The following CNTN6 variants were observed in gnomAD, a reference collection of about 807,000 sequenced individuals.
CNTN6 encodes the protein contactin 6.
CNTN6 carries 137 observed loss-of-function variants against 122.8 expected under a neutral mutation model. The observed-to-expected ratio is 1.12, with a 90% CI of 0.97 to 1.29. The LOEUF is 1.29. Among genes scored for constraint, CNTN6 ranks in the 50% most tolerant of loss-of-function variants. The pLI, the probability that CNTN6 is intolerant of heterozygous loss-of-function variation, is 0.00. For synonymous variants in CNTN6, 570 were observed against 426.0 expected (o/e 1.34, Z -4.16); for missense variants, 1,634 against 1,223.4 (o/e 1.34, Z -5.01).
At position 1,224,668 on chromosome 3, in the gene CNTN6, C is replaced by T. The variant is rs149791425; in HGVS notation, c.183-3150C>T. On this transcript the variant is annotated intron_variant, in intron 3 of 22. Transcript: ENST00000446702. Reference sequence around the variant, plus strand: ...TGAAAAACACCAACAGGCACAAGCGCGCACACATGCACACACACACACAAA... The same window carrying T: ...TGAAAAACACCAACAGGCACAAGCGTGCACACATGCACACACACACACAAA... 4.9e-3 allele frequency among the ~76,000 whole-genome samples: 742 copies of T among 152,208 alleles called. 3 individuals are homozygous for T. Among genetic ancestry groups the T allele is most frequent in the Middle Eastern group, 0.014 (4 of 292 alleles).
At chr3:1,300,828 C>T (rs1026141307) in intron 7 of CNTN6, among the ~76,000 whole-genome samples, 5 of 151,902 alleles carry the variant, frequency 3.3e-5, no homozygotes, top group African/African-American at 7.3e-5. Flanking sequence ...TTTCTTTCTC[C>T]ACACACAAAT....
At chr3:1,175,303 A>G (rs1000262814) in intron 2 of CNTN6, among the ~76,000 whole-genome samples, 1 of 152,108 alleles carries the variant, frequency 6.6e-6, no homozygotes, top group Non-Finnish European at 1.5e-5. Context: ...AGTTCAAATA[A>G]CACTACCATA....
At position 1,403,701 on chromosome 3, in the gene CNTN6, A is replaced by C. The variant is rs189468872; in HGVS notation, c.*283A>C. ...TTTAAGTTACTTATATGGAGAAAAT[A>C]AATAACTCCCCTCAATGATGCTGAT... is the stretch of plus-strand genomic sequence containing the variant. On this transcript the variant is annotated 3_prime_UTR_variant, in exon 23 of 23. Transcript: ENST00000446702. 2.4e-4 allele frequency: 49 copies of C among 205,572 alleles called. No homozygotes were observed. Among genetic ancestry groups the C allele is most frequent in the Non-Finnish European group, 2.6e-4 (27 of 104,050 alleles). The allele number at this position is 205,572 out of a possible 1,614,324, so 12.7% of individuals were successfully genotyped here.
At chr3:1,189,990 C>T (rs1274068650) in intron 2 of CNTN6, among the ~76,000 whole-genome samples, 3 of 152,186 alleles carry the variant, frequency 2.0e-5, no homozygotes, top group Non-Finnish European at 4.4e-5. Flanking sequence ...TAACAAAATA[C>T]CACAGACTGG....
At chr3:1,187,370 G>A (rs2093643762) in intron 2 of CNTN6, among the ~76,000 whole-genome samples, 1 of 151,904 alleles carries the variant, frequency 6.6e-6, no homozygotes, top group South Asian at 2.1e-4. Context: ...GTTTGTGCCT[G>A]CTGTACAAAA....
chr3:1,197,286 C>T (rs2093791709), intron 2 of CNTN6, among the ~76,000 whole-genome samples: 1 of 152,178 alleles, frequency 6.6e-6, no homozygotes, highest in Non-Finnish European at 1.5e-5. Context: ...GATACTGAAG[C>T]AGCTCCTGGT....
intron 5 of CNTN6, among the ~76,000 whole-genome samples, chr3:1,290,445 G>A (rs1462869256): frequency 6.6e-6 from 1 of 152,110 alleles, no homozygotes; most frequent in Non-Finnish European, 1.5e-5. Flanking sequence ...TGAGGAGGAC[G>A]AGCTAAGGAG....
chr3:1,325,831 A>G lies in CNTN6; in HGVS notation c.963A>G (p.Glu321=). Reference sequence around the variant, plus strand: ...TTGAAACAGCTCCTCCAGAATGGGAACAGAAAATCCAAAATACACACCTCT... The same window carrying G: ...TTGAAACAGCTCCTCCAGAATGGGAGCAGAAAATCCAAAATACACACCTCT... ...QLIFYAPPEW[E]QKIQNTHLSI... is the part of the protein sequence containing the mutation. The change falls in exon 9 of 23, where the codon GAA becomes GAG. Residue 321 remains glutamate (E), a synonymous_variant. Coordinates refer to ENST00000446702, the MANE Select transcript of CNTN6 (RefSeq NM_001289080.2). 6.2e-7 allele frequency: 1 copy of G among 1,610,142 alleles called. No homozygotes were observed. The highest frequency in any genetic ancestry group is 1.1e-5 in the South Asian group (1 of 90,520).
chr3:1,096,759 G>A (rs934037050), intron 1 of CNTN6, among the ~76,000 whole-genome samples: 8 of 152,090 alleles, frequency 5.3e-5, no homozygotes, highest in African/African-American at 1.9e-4. Flanking sequence ...GTACTGATCG[G>A]TTTTCTCTGA....
Position 1,372,315 on chromosome 3 carries a change from C to A in CNTN6, c.1509C>A (p.Thr503=), listed in dbSNP as rs992974545. Residue 503 remains threonine (T), a synonymous_variant, in exon 13 of 23, where the codon ACC becomes ACA. Coordinates refer to ENST00000446702, the MANE Select transcript of CNTN6 (RefSeq NM_001289080.2). ...TCTCAACAGAGAGAACTGTCATTACCGTCCCACCTTCCAAAATGGATGTTA... is the reference window on the plus strand; with the variant it reads ...TCTCAACAGAGAGAACTGTCATTACAGTCCCACCTTCCAAAATGGATGTTA... ...SLIVKERTVI[T]VPPSKMDVTV... The A allele has an allele frequency of 6.2e-7, 1 of 1,608,420 alleles. No individual in the cohort carries two copies. Among genetic ancestry groups the A allele is most frequent in the Non-Finnish European group, 8.5e-7 (1 of 1,177,746 alleles).
chr3:1,261,631 C>G (rs1168549572), intron 4 of CNTN6, among the ~76,000 whole-genome samples: 1 of 152,090 alleles, frequency 6.6e-6, no homozygotes, highest in Non-Finnish European at 1.5e-5. Context: ...AGCAAACCCT[C>G]TAACGTAACT....
chr3:1,250,165 G>A (rs190946586), intron 4 of CNTN6, among the ~76,000 whole-genome samples: 32 of 152,202 alleles, frequency 2.1e-4, no homozygotes, highest in East Asian at 1.5e-3. Context: ...CCAAAATATG[G>A]GAAAACATTT....
At chr3:1,402,223 A>G in intron 21 of CNTN6, 95 bp from the exon 22 acceptor site, 1 of 858,846 alleles carries the variant, frequency 1.2e-6, no homozygotes, top group Non-Finnish European at 1.7e-6. Context: ...AACATTTATG[A>G]TGATGTATCT....
At chr3:1,102,461 T>C (rs1054001809) in intron 1 of CNTN6, among the ~76,000 whole-genome samples, 3 of 152,230 alleles carry the variant, frequency 2.0e-5, no homozygotes, top group Non-Finnish European at 4.4e-5. Flanking sequence ...CCGGGCGCGG[T>C]GGCTCCCGCC....
chr3:1,176,118 A>G (rs1027176922), intron 2 of CNTN6, among the ~76,000 whole-genome samples: 3 of 152,200 alleles, frequency 2.0e-5, no homozygotes, highest in Admixed American at 6.5e-5. Context: ...AAGGAGTCAG[A>G]GTTGTGATGA....
chr3:1,336,039 G>C (rs920510283), intron 11 of CNTN6, among the ~76,000 whole-genome samples: 1 of 136,258 alleles, frequency 7.3e-6, no homozygotes, highest in African/African-American at 2.6e-5. Flanking sequence ...AACAGAGGGA[G>C]ACCCTGTTTC....
chr3:1,238,006 GA>G (rs1422797424), intron 4 of CNTN6, among the ~76,000 whole-genome samples: 1 of 149,082 alleles, frequency 6.7e-6, no homozygotes, highest in East Asian at 2.0e-4. Flanking sequence ...AAAAAGAAAA[GA>G]AAACAGAAAA....
chr3:1,241,670 G>C (rs2094486656), intron 4 of CNTN6, among the ~76,000 whole-genome samples: 1 of 152,156 alleles, frequency 6.6e-6, no homozygotes, highest in African/African-American at 2.4e-5. Flanking sequence ...CTCTATCCTT[G>C]AGTTTTTTTA....
intron 12 of CNTN6, 62 bp downstream of exon 12, chr3:1,352,513 T>G: frequency 6.3e-7 from 1 of 1,577,774 alleles, no homozygotes; most frequent in East Asian, 2.3e-5. Context: ...TATTATGACT[T>G]GTGTTATGGT....
Sources: gnomAD v4.1 joint callset for allele counts (sites outside exome capture counted in the v4.1 genomes callset) on GRCh38, gnomAD v4.1.1 for gene constraint, MANE v1.5 for transcripts, NCBI Gene and HGNC (gene_info 2026-07-23, HGNC 2026-07-21) for gene names.